Variants in BCL7A observed in about 807,000 individuals in gnomAD.
BCL7A encodes the protein BAF chromatin remodeling complex subunit BCL7A.
A neutral mutation model predicts 28.4 loss-of-function variants in BCL7A; 11 were observed. The ratio of observed to expected loss-of-function variants is 0.39; its 90% CI spans 0.24 to 0.64. The LOEUF is 0.64. BCL7A is among the 30% of genes least tolerant of loss of function. The pLI is 0.50. For synonymous variants in BCL7A, 123 were observed against 103.3 expected (o/e 1.19, Z -1.15); for missense variants, 222 against 274.8 (o/e 0.81, Z 1.36).
chr12:122,054,895 G>T lies in BCL7A; in HGVS notation c.530G>T (p.Gly177Val). Residue 177 changes from glycine to valine, a missense_variant, in exon 5 of 6, where the codon GGT becomes GTT. Gly to Val is a moderately radical substitution (Grantham distance 109, BLOSUM62 -3). Coordinates refer to ENST00000261822, the MANE Select transcript of BCL7A (RefSeq NM_001024808.3). ...GATCGGCAGCCGTCTGGAGACTCGG[G>T]TCTGGCCGCAGAGACGTCTGCAATC... ...KVDRQPSGDS[G>V]LAAETSAISQ... is the part of the protein sequence containing the mutation. 1 of 1,614,228 alleles carries T rather than the reference G, an allele frequency of 6.2e-7. No homozygotes were observed. Among genetic ancestry groups the T allele is most frequent in the Non-Finnish European group, 8.5e-7 (1 of 1,180,036 alleles).
Position 122,061,367 on chromosome 12 carries a change from T to C in BCL7A, c.*2204T>C. 1 of 231,502 alleles carries C rather than the reference T, an allele frequency of 4.3e-6. No homozygotes were observed. The highest frequency in any genetic ancestry group is 6.1e-5 in the East Asian group (1 of 16,356). 14.3% of individuals were successfully genotyped at this position (231,502 alleles called of 1,614,324 possible). ...GTCCCAAGGCTGTCACTAGTATTTC[T>C]CTGAAGTGCCTGAAGGTAGGAATGG... is the stretch of plus-strand genomic sequence containing the variant. On this transcript the variant is annotated 3_prime_UTR_variant, in exon 6 of 6. Coordinates refer to ENST00000261822, the MANE Select transcript of BCL7A (RefSeq NM_001024808.3).
At chr12:122,039,276 G>A (rs192949019) in intron 3 of BCL7A, among the ~76,000 whole-genome samples, 105 of 149,664 alleles carry the variant, frequency 7.0e-4, no homozygotes, top group Middle Eastern at 3.4e-3. Context: ...CAGCCTGGGC[G>A]ACAGAGCAAG....
At chr12:122,043,822 C>G (rs1884009721) in intron 3 of BCL7A, 64 bp from the exon 4 acceptor site, 1 of 1,517,566 alleles carries the variant, frequency 6.6e-7, no homozygotes, top group Non-Finnish European at 8.9e-7. Context: ...GCTGAGCCCT[C>G]TGACCTACCC....
At position 122,029,356 on chromosome 12, in the gene BCL7A, G is replaced by A. The variant is rs776184082; in HGVS notation, c.93-1344G>A. On this transcript the variant is annotated intron_variant, in intron 1 of 5. Coordinates refer to ENST00000261822, the MANE Select transcript of BCL7A (RefSeq NM_001024808.3). This position sits in a 1 kb window ranked among gnomAD's most constrained non-coding sequence, Gnocchi z 4.3. ...GGGTTTGAGTATGCTCCGTCATCCC[G>A]CAACCCCCGTGGTGACAGGGTGGGA... 6.6e-6 allele frequency among the ~76,000 whole-genome samples: 1 copy of A among 152,062 alleles called. No individual in the cohort carries two copies. The highest frequency in any genetic ancestry group is 1.5e-5 in the Non-Finnish European group (1 of 68,016).
intron 5 of BCL7A, among the ~76,000 whole-genome samples, chr12:122,055,726 C>A (rs1313628914): frequency 6.6e-6 from 1 of 152,172 alleles, no homozygotes; most frequent in Non-Finnish European, 1.5e-5. Flanking sequence ...TCAAGCAATT[C>A]TCCTGCCTCA....
At chr12:122,035,883 C>T (rs1883839699) in intron 3 of BCL7A, among the ~76,000 whole-genome samples, 2 of 152,040 alleles carry the variant, frequency 1.3e-5, no homozygotes, top group African/African-American at 2.4e-5. Context: ...CTCTGTTGAC[C>T]AGGCCAGAGT....
At chr12:122,054,626 C>G (rs1322697458) in intron 4 of BCL7A, among the ~76,000 whole-genome samples, 179 bp from the exon 5 acceptor site, 1 of 152,212 alleles carries the variant, frequency 6.6e-6, no homozygotes, top group African/African-American at 2.4e-5. Context: ...CTGCTGGAAA[C>G]AGCGCCACTG....
intron 3 of BCL7A, among the ~76,000 whole-genome samples, chr12:122,039,558 A>G (rs1008346548): frequency 6.9e-6 from 1 of 145,102 alleles, no homozygotes; most frequent in African/African-American, 2.5e-5. Context: ...AATTATAGTA[A>G]ATATTTTATT....
intron 1 of BCL7A, among the ~76,000 whole-genome samples, chr12:122,025,966 AAAG>A (rs1555222585): frequency 1.8e-5 from 2 of 112,900 alleles, no homozygotes; most frequent in African/African-American, 7.4e-5. Flanking sequence ...AAAAAAAAAA[AAAG>A]AAGAAAGAAA....
chr12:122,030,223 C>T (rs1883712772), intron 1 of BCL7A, among the ~76,000 whole-genome samples: 1 of 152,224 alleles, frequency 6.6e-6, no homozygotes, highest in Non-Finnish European at 1.5e-5. Flanking sequence ...GGCTTGCCTG[C>T]TCATGCCTCC....
intron 1 of BCL7A, 127 bp from the exon 2 acceptor site, chr12:122,030,573 G>A (rs1458154542): frequency 2.4e-6 from 2 of 842,624 alleles, no homozygotes; most frequent in African/African-American, 3.3e-5. Flanking sequence ...CCGCTAGTGA[G>A]GGTGGAGCTG....
rs540843703 is a variant in BCL7A at position 122,059,919 on chromosome 12, G to A, written c.*756G>A. 634 of 232,738 alleles carry A rather than the reference G, an allele frequency of 2.7e-3. 4 individuals carry two copies. The highest frequency in any genetic ancestry group is 0.013 in the African/African-American group (572 of 45,418). 14.4% of individuals were successfully genotyped at this position (232,738 alleles called of 1,614,324 possible). ...CCCTCCTTGGGGCGTTTAGGACTGG[G>A]CGTCTCCAAGCCCACCATGGCCCAG... is the stretch of plus-strand genomic sequence containing the variant. On this transcript the variant is annotated 3_prime_UTR_variant, in exon 6 of 6. Coordinates refer to ENST00000261822, the MANE Select transcript of BCL7A (RefSeq NM_001024808.3). This position sits in a 1 kb window ranked among gnomAD's most constrained non-coding sequence, Gnocchi z 4.0.
chr12:122,056,938 T>G (rs1189691540), intron 5 of BCL7A, among the ~76,000 whole-genome samples: 1 of 152,212 alleles, frequency 6.6e-6, no homozygotes, highest in Non-Finnish European at 1.5e-5. Flanking sequence ...CATGTCCTAC[T>G]CGAGGCCTCT....
At chr12:122,054,993 C>G in intron 5 of BCL7A, 67 bp downstream of exon 5, 1 of 1,612,382 alleles carries the variant, frequency 6.2e-7, no homozygotes, top group African/African-American at 1.3e-5. Context: ...GTCGGGGGTA[C>G]GTTGAAAGGT....
intron 1 of BCL7A, among the ~76,000 whole-genome samples, chr12:122,025,333 A>G (rs1223193177): frequency 6.6e-6 from 1 of 151,546 alleles, no homozygotes; most frequent in Admixed American, 6.6e-5. Context: ...AAAAAGAAAA[A>G]GAAAAAAAAG....
At chr12:122,030,557 G>GGCC (rs1249219792) in intron 1 of BCL7A, 143 bp from the exon 2 acceptor site, 16 of 738,364 alleles carry the variant, frequency 2.2e-5, no homozygotes, top group Non-Finnish European at 3.3e-5. Flanking sequence ...GCCTGCCCAG[G>GGCC]GCCTCCCGCT....
intron 1 of BCL7A, among the ~76,000 whole-genome samples, chr12:122,025,155 G>A (rs1883589513): frequency 6.6e-6 from 1 of 152,264 alleles, no homozygotes; most frequent in Non-Finnish European, 1.5e-5. Flanking sequence ...TGCTGGTGGA[G>A]GAGAGAAGAC....
chr12:122,056,787 C>G (rs562414579), intron 5 of BCL7A, among the ~76,000 whole-genome samples: 5 of 152,070 alleles, frequency 3.3e-5, no homozygotes, highest in Non-Finnish European at 7.4e-5. Flanking sequence ...GCCTGGGTGA[C>G]AGAGCAAGAC....
At chr12:122,028,590 C>T (rs1383408947) in intron 1 of BCL7A, among the ~76,000 whole-genome samples, 1 of 152,138 alleles carries the variant, frequency 6.6e-6, no homozygotes, top group African/African-American at 2.4e-5. Flanking sequence ...TCTTGGTTTT[C>T]ATGGCCAACA....
Sources: allele counts gnomAD v4.1 joint callset (sites outside exome capture counted in the v4.1 genomes callset), GRCh38; gene constraint gnomAD v4.1.1; non-coding constraint Gnocchi (gnomAD v3.1); transcripts MANE v1.5; gene names NCBI Gene and HGNC (gene_info 2026-07-23, HGNC 2026-07-21).